The following PTPRN variants were observed in gnomAD, a reference collection of about 807,000 sequenced individuals.
The protein encoded by PTPRN is receptor-type tyrosine-protein phosphatase-like N.
PTPRN carries 70 observed loss-of-function variants against 108.5 expected under a neutral mutation model. The ratio of observed to expected loss-of-function variants is 0.65; its 90% CI spans 0.53 to 0.79. The LOEUF (loss-of-function observed/expected upper bound fraction) is 0.79. Ranked by LOEUF, PTPRN falls within the 30% of genes least tolerant of loss-of-function variation. PTPRN has a pLI of 0.00. For synonymous variants in PTPRN, 496 were observed against 524.6 expected (o/e 0.95, Z 0.75); for missense variants, 1,136 against 1,295.5 (o/e 0.88, Z 1.89).
chr2:219,302,437 C>T lies in PTPRN; in HGVS notation c.694G>A (p.Val232Ile). 6.2e-7 allele frequency: 1 copy of T among 1,614,174 alleles called. No individual in the cohort carries two copies. Among genetic ancestry groups the T allele is most frequent in the Non-Finnish European group, 8.5e-7 (1 of 1,179,990 alleles). Reference protein sequence around the residue: ...VSEGSPGMVSVGPLPKAEAPA... With the variant: ...VSEGSPGMVSIGPLPKAEAPA... The stretch of plus-strand genomic sequence containing the variant: ...GCTTCAGCCTTGGGCAGGGGGCCGA[C>T]ACTGACCATCCCTGGGGAGCCCTCT... The change falls in exon 6 of 23, where the codon GTC (valine) becomes ATC (isoleucine). Residue 232 changes from valine (V) to isoleucine (I), a missense_variant. Physicochemically the swap from Val to Ile is conservative, Grantham distance 29 (BLOSUM62 3). Transcript: ENST00000295718.
chr2:219,298,680 A>C (rs1454961999), intron 12 of PTPRN, among the ~76,000 whole-genome samples: 1 of 152,266 alleles, frequency 6.6e-6, no homozygotes, highest in Non-Finnish European at 1.5e-5. Context: ...ACTGCACTCC[A>C]GCCTGGACAG....
At chr2:219,292,410 T>G (rs935814641) in intron 19 of PTPRN, 3 of 152,230 alleles carry the variant, frequency 2.0e-5, no homozygotes, top group Non-Finnish European at 2.9e-5. Context: ...CTGATATCCC[T>G]GCAAGCCAGA....
rs1952236891 is a variant in PTPRN, at chr2:219,297,741, C to G, written c.1887+144G>C. 1 of 973,160 alleles carries G rather than the reference C, an allele frequency of 1.0e-6. No homozygotes were observed. The highest frequency in any genetic ancestry group is 1.7e-5 in the South Asian group (1 of 59,136). The allele number at this position is 973,160 out of a possible 1,614,324, so 60.3% of individuals were successfully genotyped here. A position where few individuals can be genotyped will look rare whatever the true frequency, so the allele number is the denominator to read the frequency against. ...TAAAGGCCCCTACCATACTCCCTCC[C>G]ACTGGGGCTTCTCCAGCCTCCACTG... On this transcript the variant is annotated intron_variant, in intron 13 of 22. Coordinates refer to ENST00000295718, the MANE Select transcript of PTPRN (RefSeq NM_002846.4). This position sits in a 1 kb window ranked among gnomAD's most constrained non-coding sequence, Gnocchi z 6.0.
chr2:219,294,782 G>A (rs544626407), intron 19 of PTPRN, among the ~76,000 whole-genome samples, 193 bp downstream of exon 19: 15 of 152,150 alleles, frequency 9.9e-5, no homozygotes, highest in South Asian at 6.2e-4. Flanking sequence ...CGCGGGTGGT[G>A]GAGGCTCGGG....
chr2:219,296,487 G>A lies in PTPRN; in HGVS notation c.2340C>T (p.Tyr780=). ...GGGACAGCGGGCCCTGCGTGGCTATGTAGGCTGGCATCCGAGGGTCATGCT... is the reference window on the plus strand; with the variant it reads ...GGGACAGCGGGCCCTGCGTGGCTATATAGGCTGGCATCCGAGGGTCATGCT... The part of the protein sequence containing the change: ...IIEHDPRMPA[Y]IATQGPLSHT... The change falls in exon 17 of 23, where the codon TAC becomes TAT. Residue 780 remains tyrosine, a synonymous_variant. Coordinates refer to ENST00000295718, the MANE Select transcript of PTPRN (RefSeq NM_002846.4). This position sits in a 1 kb window ranked among gnomAD's most constrained non-coding sequence, Gnocchi z 6.0. The A allele has an allele frequency of 6.2e-7, 1 of 1,614,180 alleles. No individual in the cohort carries two copies.
chr2:219,301,732 A>G lies in PTPRN; in HGVS notation c.995-13T>C. 26 of 1,603,846 alleles carry G rather than the reference A, an allele frequency of 1.6e-5. No individual in the cohort carries two copies. The highest frequency in any genetic ancestry group is 2.2e-5 in the Non-Finnish European group (26 of 1,172,072). ...TGCAGAGCCGCATCTGCTGGGAGCC[A>G]GACACAGAGCTTAGGGCTGATTGCG... is the stretch of plus-strand genomic sequence containing the variant. On this transcript the variant is annotated splice_polypyrimidine_tract_variant and intron_variant, in intron 6 of 22. Coordinates refer to ENST00000295718, the MANE Select transcript of PTPRN (RefSeq NM_002846.4).
Position 219,300,087 on chromosome 2 carries a change from A to G in PTPRN, c.1334T>C (p.Leu445Pro), listed in dbSNP as rs1426595612. The change falls in exon 9 of 23, where the codon CTA becomes CCA. Residue 445 changes from leucine to proline, a missense_variant. Leu to Pro is a moderately conservative substitution (Grantham distance 98). Transcript: ENST00000295718. ...AARPPVTPVL[L>P]EKKSPLGQSQ... Reference sequence around the variant, plus strand: ...CTGGCCCAGTGGGCTTTTCTTCTCTAGCAGGACAGGTGTCACAGGGGGTCT... The same window carrying G: ...CTGGCCCAGTGGGCTTTTCTTCTCTGGCAGGACAGGTGTCACAGGGGGTCT... 6.2e-7 allele frequency: 1 copy of G among 1,613,972 alleles called. No individual in the cohort carries two copies. The highest frequency in any genetic ancestry group is 1.7e-5 in the Admixed American group (1 of 59,986).
chr2:219,305,316 C>T (rs1486122466), intron 3 of PTPRN, among the ~76,000 whole-genome samples: 1 of 151,434 alleles, frequency 6.6e-6, no homozygotes, highest in African/African-American at 2.4e-5. Context: ...GATCTCGGCT[C>T]ACCACAACCT....
At chr2:219,298,778 G>T (rs1952265681) in intron 12 of PTPRN, among the ~76,000 whole-genome samples, 1 of 152,240 alleles carries the variant, frequency 6.6e-6, no homozygotes, top group East Asian at 1.9e-4. Context: ...TTGGAATTTG[G>T]AGACTGCGCT....
chr2:219,291,029 G>A (rs1952042910), intron 20 of PTPRN, 139 bp from the exon 21 acceptor site: 2 of 782,974 alleles, frequency 2.6e-6, no homozygotes, highest in Non-Finnish European at 4.4e-6. Flanking sequence ...GAGGGACAGT[G>A]AGCCGAGGAT....
At chr2:219,295,213 G>A (rs1343483076) in intron 18 of PTPRN, 72 bp from the exon 19 acceptor site, 4 of 1,541,562 alleles carry the variant, frequency 2.6e-6, no homozygotes, top group Non-Finnish European at 3.5e-6. Flanking sequence ...CTCTCCTCGC[G>A]ACCTTCTCGG....
At position 219,300,197 on chromosome 2, in the gene PTPRN, C is replaced by A; in HGVS notation, c.1224G>T (p.Met408Ile). 2 of 1,609,048 alleles carry A rather than the reference C, an allele frequency of 1.2e-6. No homozygotes were observed. Among genetic ancestry groups the A allele is most frequent in the Non-Finnish European group, 1.7e-6 (2 of 1,176,990 alleles). The change falls in exon 9 of 23, where the codon ATG becomes ATT. Residue 408 changes from methionine (M) to isoleucine (I), a missense_variant. Coordinates refer to ENST00000295718, the MANE Select transcript of PTPRN (RefSeq NM_002846.4). ...TAGGGCTGGCAGTGGGGTGTCCAGG[C>A]ATGGGGGATGTGCGGGCTGGAAGCT... ...TAELPARTSPMPGHPTASPTS... is the reference protein window; with the variant it reads ...TAELPARTSPIPGHPTASPTS...
rs183048022 is a variant in PTPRN at position 219,299,828 on chromosome 2, C to G, written c.1437-42G>C. 3.8e-4 allele frequency: 598 copies of G among 1,566,744 alleles called. 5 individuals carry two copies. In the African/African-American group the frequency reaches 7.4e-3, roughly 19 times the overall value. On this transcript the variant is annotated intron_variant, in intron 9 of 22. Coordinates refer to ENST00000295718, the MANE Select transcript of PTPRN (RefSeq NM_002846.4). ...GCAGAGGAAGGAAAGTGGGGCAACC[C>G]TCTCAGTCACTTTCTTAAAACAGGC... is the stretch of plus-strand genomic sequence containing the variant.
rs777565547 is a variant in PTPRN at position 219,302,164 on chromosome 2, T to C, written c.967A>G (p.Lys323Glu). Residue 323 changes from lysine to glutamate, a missense_variant, in exon 6 of 23, where the codon AAG (lysine) becomes GAG (glutamate). By Grantham distance (56) the Lys-to-Glu change is moderately conservative. Coordinates refer to ENST00000295718, the MANE Select transcript of PTPRN (RefSeq NM_002846.4). Reference sequence around the variant, plus strand: ...GGCTGCACAGCTGGGGAAGCAGGCTTCTCTCCACGATCCCCTAGTCCTTCC... The same window carrying C: ...GGCTGCACAGCTGGGGAAGCAGGCTCCTCTCCACGATCCCCTAGTCCTTCC... ...EKEGLGDRGE[K>E]PASPAVQPDA... is the part of the protein sequence containing the mutation. 3 of 1,594,274 alleles carry C rather than the reference T, an allele frequency of 1.9e-6. No individual in the cohort carries two copies. Among genetic ancestry groups the C allele is most frequent in the Non-Finnish European group, 1.7e-6 (2 of 1,165,954 alleles).
rs368449578 is a variant in PTPRN, at chr2:219,296,415, G to A, written c.2388+24C>T. The A allele has an allele frequency of 1.3e-5, 21 of 1,613,976 alleles. No homozygotes were observed. Among genetic ancestry groups the A allele is most frequent in the Middle Eastern group, 1.6e-4 (1 of 6,084 alleles). On this transcript the variant is annotated intron_variant, in intron 17 of 22. Transcript: ENST00000295718. The surrounding 1 kb of genome is among the most constrained non-coding windows in gnomAD (Gnocchi z 6.0). Reference sequence around the variant, plus strand: ...ACCTCGTGGCCACAAGGACCCCAGCGAAGCCCTCCCTTTAAGAGCCCACCT... The same window carrying A: ...ACCTCGTGGCCACAAGGACCCCAGCAAAGCCCTCCCTTTAAGAGCCCACCT...
intron 19 of PTPRN, 28 bp downstream of exon 19, chr2:219,294,947 C>A (rs778601212): frequency 6.7e-7 from 1 of 1,490,364 alleles, no homozygotes; most frequent in South Asian, 1.3e-5. Context: ...CCCATGCGGT[C>A]CCTCCAGGCG....
intron 4 of PTPRN, 30 bp downstream of exon 4, chr2:219,303,705 T>C (rs1236784129): frequency 6.3e-7 from 1 of 1,575,796 alleles, no homozygotes; most frequent in Admixed American, 1.7e-5. Flanking sequence ...AGCCTCACCA[T>C]TGCTAGAGTT....
In PTPRN at chr2:219,296,739, G is replaced by A; in HGVS notation, c.2310+10C>T. 1 of 1,613,552 alleles carries A rather than the reference G, an allele frequency of 6.2e-7. No homozygotes were observed. Among genetic ancestry groups the A allele is most frequent in the Non-Finnish European group, 8.5e-7 (1 of 1,179,748 alleles). ...GGGCAGAGGTGGGGGCTGGAGTCAGGGCCACTCACAATGGGGCTGGCGTTG... is the reference window on the plus strand; with the variant it reads ...GGGCAGAGGTGGGGGCTGGAGTCAGAGCCACTCACAATGGGGCTGGCGTTG... On this transcript the variant is annotated intron_variant, in intron 16 of 22. Transcript: ENST00000295718. This position sits in a 1 kb window ranked among gnomAD's most constrained non-coding sequence, Gnocchi z 6.0.
chr2:219,298,087 G>A lies in PTPRN; in HGVS notation c.1685C>T (p.Ala562Val). The A allele has an allele frequency of 6.2e-7, 1 of 1,613,150 alleles. No individual in the cohort carries two copies. Among genetic ancestry groups the A allele is most frequent in the Non-Finnish European group, 8.5e-7 (1 of 1,179,874 alleles). ...GCTGTGCGCAGTTTGGGGAAGGACTGCAGCTGCCTCCTCCCTCTGTGGGAA... is the reference window on the plus strand; with the variant it reads ...GCTGTGCGCAGTTTGGGGAAGGACTACAGCTGCCTCCTCCCTCTGTGGGAA... ...TGVGQREEAAAVLPQTAHSTS... is the reference protein window; with the variant it reads ...TGVGQREEAAVVLPQTAHSTS... Residue 562 changes from alanine (A) to valine (V), a missense_variant, in exon 13 of 23, where the codon GCA becomes GTA. Transcript: ENST00000295718.
Sources: allele counts gnomAD v4.1 joint callset (sites outside exome capture counted in the v4.1 genomes callset), GRCh38; gene constraint gnomAD v4.1.1; non-coding constraint Gnocchi (gnomAD v3.1); transcripts MANE v1.5; gene names NCBI Gene and HGNC (gene_info 2026-07-23, HGNC 2026-07-21).